DOK6: variants seen among roughly 807,000 people sequenced by gnomAD.
The protein encoded by DOK6 is downstream of tyrosine kinase 6.
In DOK6, 22 loss-of-function variants were observed where a neutral mutation model predicts 44.0. The ratio of observed to expected loss-of-function variants is 0.50; its 90% CI spans 0.36 to 0.71. DOK6 has a LOEUF of 0.71. Among genes scored for constraint, DOK6 ranks in the 30% least tolerant of loss-of-function variants. The pLI is 0.00. For missense variants in DOK6, 340 were observed against 416.4 expected, an observed-to-expected ratio of 0.82 and a Z score of 1.60; for synonymous variants, 166 against 145.5, an observed-to-expected ratio of 1.14 and a Z score of -1.01.
intron 4 of DOK6, among the ~76,000 whole-genome samples, chr18:69,684,323 T>C (rs1233209653): frequency 6.6e-6 from 1 of 152,222 alleles, no homozygotes; most frequent in Non-Finnish European, 1.5e-5. Flanking sequence ...GCTTCTCTTC[T>C]CACAATGTCA....
At chr18:69,410,661 A>G (rs891691729) in intron 1 of DOK6, among the ~76,000 whole-genome samples, 16 of 152,208 alleles carry the variant, frequency 1.1e-4, no homozygotes, top group African/African-American at 3.4e-4. Context: ...AGGACTTTCC[A>G]GGCTCTCTTG....
chr18:69,514,349 A>T (rs1019467209), intron 1 of DOK6, among the ~76,000 whole-genome samples: 8 of 152,184 alleles, frequency 5.3e-5, no homozygotes, highest in African/African-American at 1.9e-4. Flanking sequence ...TGAAAAATTA[A>T]CAAGACTTGC....
chr18:69,841,182 T>C (rs2145140799), intron 7 of DOK6, 62 bp from the exon 8 acceptor site: 2 of 1,592,818 alleles, frequency 1.3e-6, no homozygotes, highest in East Asian at 2.2e-5. Flanking sequence ...AGATGATAGA[T>C]AGTGTATCTT....
intron 1 of DOK6, among the ~76,000 whole-genome samples, chr18:69,415,273 ACTTC>A (rs1171386686): frequency 6.6e-6 from 1 of 152,126 alleles, no homozygotes; most frequent in African/African-American, 2.4e-5. Flanking sequence ...TAATGAGTTA[ACTTC>A]CTTCCTGTAT....
intron 1 of DOK6, among the ~76,000 whole-genome samples, chr18:69,458,296 C>T (rs1979685772): frequency 6.6e-6 from 1 of 152,098 alleles, no homozygotes; most frequent in Non-Finnish European, 1.5e-5. Flanking sequence ...AAAGCAAAAA[C>T]ATATATCATC....
intron 1 of DOK6, among the ~76,000 whole-genome samples, chr18:69,431,477 G>A (rs943726490): frequency 1.3e-5 from 2 of 152,136 alleles, no homozygotes; most frequent in Non-Finnish European, 2.9e-5. Context: ...AGATTTCTCA[G>A]TGAGTAGAAA....
At chr18:69,685,565 A>G (rs1030977677) in intron 4 of DOK6, among the ~76,000 whole-genome samples, 2 of 152,206 alleles carry the variant, frequency 1.3e-5, no homozygotes, top group Admixed American at 1.3e-4. Context: ...ACATTAAACA[A>G]GGGAATTCTG....
At chr18:69,420,220 G>A (rs1352213021) in intron 1 of DOK6, among the ~76,000 whole-genome samples, 1 of 151,772 alleles carries the variant, frequency 6.6e-6, no homozygotes, top group Non-Finnish European at 1.5e-5. Flanking sequence ...GTCCTGCATT[G>A]TCTTTAGATG....
chr18:69,445,147 A>G (rs1979248852), intron 1 of DOK6, among the ~76,000 whole-genome samples: 1 of 152,158 alleles, frequency 6.6e-6, no homozygotes, highest in Non-Finnish European at 1.5e-5. Flanking sequence ...TGGAAATGCA[A>G]CTGATTTTTT....
At chr18:69,796,729 A>T (rs1271746012) in intron 7 of DOK6, among the ~76,000 whole-genome samples, 1 of 152,238 alleles carries the variant, frequency 6.6e-6, no homozygotes, top group Non-Finnish European at 1.5e-5. Context: ...ACACATGTCC[A>T]GAAAAGAGGC....
intron 2 of DOK6, among the ~76,000 whole-genome samples, chr18:69,574,035 T>C (rs2144604969): frequency 6.6e-6 from 1 of 152,168 alleles, no homozygotes; most frequent in South Asian, 2.1e-4. Flanking sequence ...GCCTCTGTGC[T>C]ACCAAGGAAA....
intron 5 of DOK6, among the ~76,000 whole-genome samples, chr18:69,714,386 C>T (rs778593072): frequency 3.3e-5 from 5 of 152,280 alleles, no homozygotes; most frequent in Admixed American, 6.5e-5. Context: ...CTAGACCTCT[C>T]CTGCTTTGTC....
At chr18:69,814,642 T>G (rs1023568739) in intron 7 of DOK6, among the ~76,000 whole-genome samples, 3 of 152,092 alleles carry the variant, frequency 2.0e-5, no homozygotes, top group Non-Finnish European at 2.9e-5. Flanking sequence ...CTCAGGAAAT[T>G]TACAATCATG....
chr18:69,627,037 T>C (rs1360970828), intron 3 of DOK6, among the ~76,000 whole-genome samples: 5 of 152,188 alleles, frequency 3.3e-5, no homozygotes, highest in African/African-American at 4.8e-5. Flanking sequence ...AGACTCTTGC[T>C]GGCCTTATAG....
chr18:69,750,329 G>A (rs912156699), intron 6 of DOK6, among the ~76,000 whole-genome samples: 7 of 151,634 alleles, frequency 4.6e-5, no homozygotes, highest in Non-Finnish European at 7.4e-5. Flanking sequence ...GGAAATGTAA[G>A]TTATAGAACC....
At chr18:69,603,575 T>G (rs1348526045) in intron 3 of DOK6, among the ~76,000 whole-genome samples, 1 of 152,080 alleles carries the variant, frequency 6.6e-6, no homozygotes, top group Non-Finnish European at 1.5e-5. Flanking sequence ...ATCGAGAGCA[T>G]CCTGGCTAGC....
intron 3 of DOK6, among the ~76,000 whole-genome samples, chr18:69,674,629 C>G (rs1985880084): frequency 6.6e-6 from 1 of 151,946 alleles, no homozygotes; most frequent in African/African-American, 2.4e-5. Flanking sequence ...CAGTGCTATG[C>G]ACACTCACAC....
intron 2 of DOK6, among the ~76,000 whole-genome samples, chr18:69,590,250 C>CG (rs1672582359): frequency 6.6e-6 from 1 of 152,096 alleles, no homozygotes; most frequent in South Asian, 2.1e-4. Context: ...CTGTGTCCTG[C>CG]ATAAGAACAC....
chr18:69,527,807 T>G (rs549282361), intron 1 of DOK6, among the ~76,000 whole-genome samples: 2 of 152,320 alleles, frequency 1.3e-5, no homozygotes, highest in Admixed American at 1.3e-4. Flanking sequence ...TATAGCTAAA[T>G]AACAGTCACT....
Sources: gnomAD v4.1 joint callset for allele counts (sites outside exome capture counted in the v4.1 genomes callset) on GRCh38, gnomAD v4.1.1 for gene constraint, MANE v1.5 for transcripts, NCBI Gene and HGNC (gene_info 2026-07-23, HGNC 2026-07-21) for gene names.